The following KHDRBS2 variants were observed in gnomAD, a reference collection of about 807,000 sequenced individuals.
KHDRBS2 encodes KH domain-containing, RNA-binding, signal transduction-associated protein 2.
Under a neutral mutation model 44.3 loss-of-function variants are expected in KHDRBS2, and 26 were observed. The observed-to-expected ratio is 0.59, with a 90% CI of 0.43 to 0.81. The LOEUF (loss-of-function observed/expected upper bound fraction) is 0.81, where lower values mean the gene tolerates loss of function less well. KHDRBS2 is among the 40% of genes least tolerant of loss of function. The probability of loss-of-function intolerance (pLI) is 0.00; values close to 1 mark genes in which losing one functional copy is unlikely to be tolerated. For synonymous variants in KHDRBS2, 194 were observed against 151.1 expected (o/e 1.28, Z -2.08); for missense variants, 476 against 433.1 (o/e 1.10, Z -0.88).
chr6:61,934,304 T>C (rs1051412407), intron 4 of KHDRBS2, among the ~76,000 whole-genome samples: 6 of 152,228 alleles, frequency 3.9e-5, no homozygotes, highest in Non-Finnish European at 7.3e-5. Context: ...TTTGGTTAGA[T>C]GTAATTCCAT....
the KHDRBS2 span, among the ~76,000 whole-genome samples, chr6:61,665,273 T>C: frequency 1.3e-5 from 2 of 151,542 alleles, no homozygotes; most frequent in Admixed American, 6.6e-5. Context: ...CATGTTAATA[T>C]AGGACATAAA....
intron 1 of KHDRBS2, among the ~76,000 whole-genome samples, chr6:62,281,726 A>C (rs1430679071): frequency 6.6e-6 from 1 of 152,148 alleles, no homozygotes; most frequent in Admixed American, 6.5e-5. Flanking sequence ...TTTTCATCTT[A>C]AAAGAACCCT....
At chr6:61,947,654 G>C (rs1426244292) in intron 4 of KHDRBS2, among the ~76,000 whole-genome samples, 1 of 151,850 alleles carries the variant, frequency 6.6e-6, no homozygotes, top group Admixed American at 6.6e-5. Flanking sequence ...GTTTTGAAAA[G>C]GGTTTTAAAT....
intron 4 of KHDRBS2, among the ~76,000 whole-genome samples, chr6:61,929,547 C>G (rs895066459): frequency 6.6e-6 from 1 of 152,124 alleles, no homozygotes; most frequent in Non-Finnish European, 1.5e-5. Context: ...TCACATTAAA[C>G]TTGCTGGGAA....
At chr6:61,598,425 C>T in the KHDRBS2 span, among the ~76,000 whole-genome samples, 4 of 152,184 alleles carry the variant, frequency 2.6e-5, no homozygotes, top group African/African-American at 9.7e-5. Flanking sequence ...AGGTACATCC[C>T]ACATTTCTGT....
chr6:61,637,859 T>A, the KHDRBS2 span, among the ~76,000 whole-genome samples: 5 of 152,286 alleles, frequency 3.3e-5, no homozygotes, highest in African/African-American at 1.2e-4. Flanking sequence ...TTCATGTCCT[T>A]TGCCCACTTT....
chr6:61,675,251 C>T (rs1188357414), downstream of KHDRBS2, among the ~76,000 whole-genome samples: 1 of 151,664 alleles, frequency 6.6e-6, no homozygotes, highest in Admixed American at 6.6e-5. Flanking sequence ...CCTAAAAGAA[C>T]AAGAGTAATC....
intron 6 of KHDRBS2, among the ~76,000 whole-genome samples, chr6:61,826,375 G>A (rs1790858691): frequency 6.6e-6 from 1 of 152,108 alleles, no homozygotes; most frequent in Admixed American, 6.6e-5. Flanking sequence ...ATCTCCCTCT[G>A]CCACATCTGC....
chr6:62,096,486 T>C (rs1800631749), intron 2 of KHDRBS2, among the ~76,000 whole-genome samples: 1 of 151,926 alleles, frequency 6.6e-6, no homozygotes, highest in Non-Finnish European at 1.5e-5. Context: ...GCATTTCTTC[T>C]AGCTTTTCCA....
chr6:61,865,074 G>C (rs7776225), intron 6 of KHDRBS2, among the ~76,000 whole-genome samples: 1 of 151,970 alleles, frequency 6.6e-6, no homozygotes, highest in Non-Finnish European at 1.5e-5. Context: ...ATTAATACTT[G>C]TGACTGCATT....
At chr6:61,755,430 C>T (rs1479128917) in intron 6 of KHDRBS2, among the ~76,000 whole-genome samples, 7 of 152,110 alleles carry the variant, frequency 4.6e-5, no homozygotes, top group Non-Finnish European at 1.0e-4. Flanking sequence ...AACTAGTCTG[C>T]AGAAAAACAA....
rs563534106 is a variant in KHDRBS2 at position 62,208,578 on chromosome 6, C to T, written c.92-31266G>A. 5.9e-5 allele frequency among the ~76,000 whole-genome samples: 9 copies of T among 152,024 alleles called. No individual in the cohort carries two copies. In the East Asian group the frequency reaches 1.7e-3, roughly 30 times the overall value. ...TACCTTTATGAGGTGGTTATTTCAC[C>T]TCTTTTGGGTATATATTCAGAAGGG... On this transcript the variant is annotated intron_variant, in intron 1 of 8. Coordinates refer to ENST00000281156, the MANE Select transcript of KHDRBS2 (RefSeq NM_152688.4).
At chr6:61,625,949 A>G in the KHDRBS2 span, among the ~76,000 whole-genome samples, 1 of 152,232 alleles carries the variant, frequency 6.6e-6, no homozygotes, top group African/African-American at 2.4e-5. Context: ...GCATGCATAT[A>G]CATTTTGATT....
At chr6:62,164,759 T>C (rs1818331749) in intron 2 of KHDRBS2, among the ~76,000 whole-genome samples, 2 of 151,918 alleles carry the variant, frequency 1.3e-5, no homozygotes, top group Admixed American at 1.3e-4. Flanking sequence ...AAAATTGCCC[T>C]CTAAAATACT....
chr6:62,141,522 A>G (rs1446283437), intron 2 of KHDRBS2, among the ~76,000 whole-genome samples: 2 of 152,126 alleles, frequency 1.3e-5, no homozygotes, highest in Admixed American at 6.6e-5. Flanking sequence ...AGTGAAGCAG[A>G]TGATTTCTAA....
At chr6:62,240,670 GTGTATATATATATATATA>G (rs1834481226) in intron 1 of KHDRBS2, among the ~76,000 whole-genome samples, 2 of 62,512 alleles carry the variant, frequency 3.2e-5, no homozygotes, top group African/African-American at 1.1e-4. Context: ...GTATGTGTGT[GTGTATATATATATATATA>G]TATATATATA....
At chr6:62,242,571 C>T (rs908754341) in intron 1 of KHDRBS2, among the ~76,000 whole-genome samples, 18 of 151,458 alleles carry the variant, frequency 1.2e-4, no homozygotes, top group Non-Finnish European at 1.8e-4. Context: ...TTTAGATGAA[C>T]GGTATTTATT....
intron 1 of KHDRBS2, among the ~76,000 whole-genome samples, chr6:62,267,228 C>T (rs982160362): frequency 9.2e-5 from 14 of 152,068 alleles, no homozygotes; most frequent in Admixed American, 3.3e-4. Context: ...AGCCAGGCCC[C>T]TTGAAAGACT....
At chr6:62,181,115 G>T (rs79318433) in intron 1 of KHDRBS2, among the ~76,000 whole-genome samples, 2 of 151,468 alleles carry the variant, frequency 1.3e-5, no homozygotes, top group Non-Finnish European at 2.9e-5. Flanking sequence ...AGGGGTAAAT[G>T]CTTCTTGACA....
Sources: gnomAD v4.1 joint callset for allele counts (sites outside exome capture counted in the v4.1 genomes callset) on GRCh38, gnomAD v4.1.1 for gene constraint, MANE v1.5 for transcripts, NCBI Gene and HGNC (gene_info 2026-07-23, HGNC 2026-07-21) for gene names.